Variants in TENM2 observed in about 807,000 individuals in gnomAD.
The protein encoded by TENM2 is teneurin transmembrane protein 2.
Under a neutral mutation model 245.2 loss-of-function variants are expected in TENM2, and 52 were observed. The observed-to-expected ratio is 0.21, with a 90% CI of 0.17 to 0.27. TENM2 has a LOEUF of 0.27. TENM2 is among the 10% of genes least tolerant of loss of function. The pLI is 1.00. For missense variants in TENM2, 3,046 were observed against 3,666.8 expected (o/e 0.83, Z 4.37); for synonymous variants, 1,363 against 1,438.9 (o/e 0.95, Z 1.19).
At chr5:167,083,678 A>G in the TENM2 span, among the ~76,000 whole-genome samples, 2 of 152,188 alleles carry the variant, frequency 1.3e-5, no homozygotes, top group East Asian at 1.9e-4. Flanking sequence ...GCACATGGAT[A>G]TCACTCCTGG....
At chr5:167,851,414 T>A (rs961571105) in intron 2 of TENM2, among the ~76,000 whole-genome samples, 6 of 152,370 alleles carry the variant, frequency 3.9e-5, no homozygotes, top group African/African-American at 1.2e-4. Context: ...CCAAGGATTT[T>A]AAGCAAGATT....
intron 5 of TENM2, among the ~76,000 whole-genome samples, chr5:168,020,351 A>G (rs991013223): frequency 6.6e-6 from 1 of 152,220 alleles, no homozygotes; most frequent in African/African-American, 2.4e-5. Context: ...TGGAATAGAC[A>G]GTACCCACAT....
intron 3 of TENM2, among the ~76,000 whole-genome samples, chr5:167,896,306 T>G (rs1775216392): frequency 6.6e-6 from 1 of 152,168 alleles, no homozygotes. Flanking sequence ...AAAGCTTGAA[T>G]AGCTAAAGGA....
At position 167,846,557 on chromosome 5, in the gene TENM2, G is replaced by A. The variant is rs368254266; in HGVS notation, c.503-29429G>A. 6.6e-5 allele frequency among the ~76,000 whole-genome samples: 10 copies of A among 152,290 alleles called. No homozygotes were observed. The South Asian group carries it at 2.1e-3, about 32-fold the overall frequency. On this transcript the variant is annotated intron_variant, in intron 2 of 28. Transcript: ENST00000518659. Reference sequence around the variant, plus strand: ...TTTAGAATGCTCAGGTGTTGTTTCTGTGATGCCAAGAATCTTCCAAAAGAT... The same window carrying A: ...TTTAGAATGCTCAGGTGTTGTTTCTATGATGCCAAGAATCTTCCAAAAGAT...
chr5:166,988,707 C>T, the TENM2 span, among the ~76,000 whole-genome samples: 2 of 152,200 alleles, frequency 1.3e-5, no homozygotes, highest in Admixed American at 1.3e-4. Context: ...TCCTTCTGCC[C>T]CTATCAGTGG....
At chr5:167,200,595 T>C in the TENM2 span, among the ~76,000 whole-genome samples, 1 of 152,180 alleles carries the variant, frequency 6.6e-6, no homozygotes, top group Non-Finnish European at 1.5e-5. Flanking sequence ...ATGTATAGCA[T>C]GTTATGCAGA....
chr5:167,052,658 T>A, the TENM2 span, among the ~76,000 whole-genome samples: 5 of 152,204 alleles, frequency 3.3e-5, no homozygotes, highest in Admixed American at 6.5e-5. Context: ...GGTTACTGAA[T>A]TATCAGGCTT....
chr5:167,431,949 G>A (rs13169687), intron 2 of TENM2, among the ~76,000 whole-genome samples: 630 of 53,182 alleles, frequency 0.012, 15 homozygotes, highest in African/African-American at 0.031. Flanking sequence ...ACATATATAT[G>A]TATATATATA....
intron 7 of TENM2, among the ~76,000 whole-genome samples, chr5:168,075,676 T>C (rs1270996782): frequency 6.6e-6 from 1 of 152,200 alleles, no homozygotes; most frequent in Admixed American, 6.5e-5. Context: ...GATTCACCCA[T>C]GGTGTTGTTT....
chr5:167,760,651 T>C (rs1353286237), intron 2 of TENM2, among the ~76,000 whole-genome samples: 1 of 152,078 alleles, frequency 6.6e-6, no homozygotes, highest in Non-Finnish European at 1.5e-5. Context: ...TTGTTATTGT[T>C]GTTGTTGCTG....
chr5:167,945,253 CA>C (rs1429843815), intron 3 of TENM2, among the ~76,000 whole-genome samples: 1 of 151,510 alleles, frequency 6.6e-6, no homozygotes, highest in Non-Finnish European at 1.5e-5. Flanking sequence ...CAGGAGAGTC[CA>C]AAAATAATAT....
intron 2 of TENM2, among the ~76,000 whole-genome samples, chr5:167,459,685 C>A (rs930444248): frequency 1.3e-5 from 2 of 152,096 alleles, no homozygotes; most frequent in Non-Finnish European, 2.9e-5. Flanking sequence ...CTGTTATTTT[C>A]TTTATTTAAA....
the TENM2 span, among the ~76,000 whole-genome samples, chr5:167,009,312 C>T: frequency 6.6e-5 from 10 of 152,266 alleles, no homozygotes; most frequent in South Asian, 6.2e-4. Flanking sequence ...CTTTCTTACA[C>T]GTCTTTCCCC....
chr5:167,901,077 A>T (rs1436083105), intron 3 of TENM2, among the ~76,000 whole-genome samples: 1 of 152,166 alleles, frequency 6.6e-6, no homozygotes, highest in Non-Finnish European at 1.5e-5. Flanking sequence ...CGACAGAATA[A>T]TTGGAATATG....
intron 2 of TENM2, among the ~76,000 whole-genome samples, chr5:167,860,376 A>G (rs1388275200): frequency 7.7e-5 from 6 of 78,042 alleles, no homozygotes; most frequent in African/African-American, 3.1e-4. Context: ...TTGGGGGGTC[A>G]GCCCCCCGCC....
At chr5:167,296,682 G>C in intron 1 of TENM2, 1 of 152,328 alleles carries the variant, frequency 6.6e-6, no homozygotes. Flanking sequence ...AAAGACCCCT[G>C]TTTGCCTGGC....
At chr5:167,046,846 C>G in the TENM2 span, among the ~76,000 whole-genome samples, 1 of 152,016 alleles carries the variant, frequency 6.6e-6, no homozygotes, top group Non-Finnish European at 1.5e-5. Flanking sequence ...CTAATGCTCT[C>G]CCTCCCTTAG....
intron 14 of TENM2, among the ~76,000 whole-genome samples, chr5:168,191,355 A>G (rs959654644): frequency 6.6e-6 from 1 of 152,130 alleles, no homozygotes; most frequent in African/African-American, 2.4e-5. Flanking sequence ...TTCTGAGGGT[A>G]GAGAGGAGGG....
chr5:168,226,112 C>T, exon 24 of TENM2: 1 of 1,613,586 alleles, frequency 6.2e-7, no homozygotes, highest in East Asian at 2.2e-5. Flanking sequence ...GCCGCCTGAC[C>T]AACGTGACGC....
Sources: gnomAD v4.1 joint callset for allele counts (sites outside exome capture counted in the v4.1 genomes callset) on GRCh38, gnomAD v4.1.1 for gene constraint, MANE v1.5 for transcripts, NCBI Gene and HGNC (gene_info 2026-07-23, HGNC 2026-07-21) for gene names.